Variants in UBE3D observed in about 807,000 individuals in gnomAD.
UBE3D encodes ubiquitin protein ligase E3D.
A neutral mutation model predicts 49.6 loss-of-function variants in UBE3D; 48 were observed. The observed-to-expected ratio is 0.97, with a 90% confidence interval of 0.77 to 1.23. The LOEUF (loss-of-function observed/expected upper bound fraction) is 1.23. Among genes scored for constraint, UBE3D ranks in the 50% most tolerant of loss-of-function variants. The pLI, the probability that UBE3D is intolerant of heterozygous loss-of-function variation, is 0.00. For synonymous variants in UBE3D, 189 were observed against 174.2 expected (o/e 1.08, Z -0.67); for missense variants, 452 against 468.4 (o/e 0.96, Z 0.32).
chr6:83,017,095 T>A (rs59732160), intron 8 of UBE3D: 17,859 of 152,166 alleles, frequency 0.12, 1,964 homozygotes, highest in African/African-American at 0.28. Context: ...TGCTTAGTAT[T>A]AACCATCACA....
At chr6:83,009,687 A>G (rs1320164041) in intron 8 of UBE3D, among the ~76,000 whole-genome samples, 1 of 79,228 alleles carries the variant, frequency 1.3e-5, no homozygotes, top group African/African-American at 4.8e-5. Flanking sequence ...TCACATTTAA[A>G]CACATCTGTA....
chr6:82,943,253 T>C (rs761479026), intron 9 of UBE3D, among the ~76,000 whole-genome samples: 1 of 152,208 alleles, frequency 6.6e-6, no homozygotes, highest in East Asian at 1.9e-4. Flanking sequence ...AGTAACTGAC[T>C]TGCTTTTTTT....
intron 8 of UBE3D, among the ~76,000 whole-genome samples, chr6:83,012,188 T>C (rs1014820337): frequency 2.0e-5 from 3 of 152,094 alleles, no homozygotes; most frequent in African/African-American, 7.2e-5. Flanking sequence ...ATTCCGTGAG[T>C]CCACGGATGG....
chr6:83,011,227 T>A (rs1007743407), intron 8 of UBE3D, among the ~76,000 whole-genome samples: 26 of 152,278 alleles, frequency 1.7e-4, no homozygotes, highest in African/African-American at 6.3e-4. Flanking sequence ...TTAGTACAAG[T>A]GTATACATGC....
intron 3 of UBE3D, among the ~76,000 whole-genome samples, chr6:83,046,685 C>CG (rs1783079572): frequency 1.7e-5 from 1 of 59,590 alleles, no homozygotes; most frequent in African/African-American, 6.9e-5. Context: ...GGGGGGTGGG[C>CG]GGTGGCACCG....
rs925267089 is a variant in UBE3D at position 83,057,860 on chromosome 6, G to A, written c.240C>T (p.His80=). The A allele has an allele frequency of 3.1e-6, 5 of 1,614,112 alleles. No homozygotes were observed. Among genetic ancestry groups the A allele is most frequent in the East Asian group, 2.2e-5 (1 of 44,868 alleles). ...GLQFVVGDGL[H]LRLQTQAKLG... is the part of the protein sequence containing the mutation. ...ATTTTGCTTGCGTCTGCAGTCGCAG[G>A]TGCAGTCCATCTCCAACAACAAACT... is the stretch of plus-strand genomic sequence containing the variant. The change falls in exon 2 of 10, where the codon CAC becomes CAT. Residue 80 remains histidine, a synonymous_variant. Transcript: ENST00000369747.
intron 8 of UBE3D, among the ~76,000 whole-genome samples, chr6:82,970,314 A>G (rs181577785): frequency 6.6e-6 from 1 of 151,950 alleles, no homozygotes; most frequent in East Asian, 1.9e-4. Flanking sequence ...AAACTCTAAA[A>G]AACTACCACA....
chr6:82,947,675 G>A (rs371804496), intron 9 of UBE3D, among the ~76,000 whole-genome samples: 3 of 151,840 alleles, frequency 2.0e-5, no homozygotes, highest in African/African-American at 4.8e-5. Flanking sequence ...CATCTTCTCT[G>A]ACCACAATGG....
At chr6:82,963,456 C>A (rs1776697012) in intron 8 of UBE3D, among the ~76,000 whole-genome samples, 1 of 152,068 alleles carries the variant, frequency 6.6e-6, no homozygotes, top group South Asian at 2.1e-4. Flanking sequence ...GGAGTGTTAA[C>A]TCACACAATC....
intron 8 of UBE3D, among the ~76,000 whole-genome samples, chr6:82,985,008 C>CCTTTTTTTTTTTTTTT: frequency 1.9e-5 from 1 of 52,998 alleles, no homozygotes; most frequent in Non-Finnish European, 3.3e-5. Context: ...TCTTCTTCTT[C>CCTTTTTTTTTTTTTTT]TTTTTTTTTT....
chr6:82,943,268 A>C (rs1775150429), intron 9 of UBE3D, among the ~76,000 whole-genome samples: 1 of 152,100 alleles, frequency 6.6e-6, no homozygotes, highest in Admixed American at 6.5e-5. Context: ...TTTTTTTAGA[A>C]TACCCTATCC....
chr6:83,027,239 C>T (rs1044276585), intron 5 of UBE3D, among the ~76,000 whole-genome samples: 2 of 151,638 alleles, frequency 1.3e-5, no homozygotes, highest in East Asian at 1.9e-4. Context: ...AGTTCAAGAC[C>T]AGCCTGGCCA....
At chr6:82,918,021 C>G (rs1393656305) in intron 9 of UBE3D, among the ~76,000 whole-genome samples, 1 of 152,042 alleles carries the variant, frequency 6.6e-6, no homozygotes, top group Non-Finnish European at 1.5e-5. Flanking sequence ...CTTTATTTTC[C>G]TTCAATAAAT....
chr6:82,918,935 C>T (rs1773119436), intron 9 of UBE3D, among the ~76,000 whole-genome samples: 1 of 152,082 alleles, frequency 6.6e-6, no homozygotes, highest in African/African-American at 2.4e-5. Flanking sequence ...GACTGATCTC[C>T]CATCAGCTGC....
In UBE3D at chr6:83,058,716, A is replaced by C. The variant is rs189275553; in HGVS notation, c.78-694T>G. Among the ~76,000 whole-genome samples the C allele has an allele frequency of 1.1e-3, 173 of 152,348 alleles. 3 individuals carry two copies. Among genetic ancestry groups the C allele is most frequent in the African/African-American group, 4.0e-3 (168 of 41,590 alleles). On this transcript the variant is annotated intron_variant, in intron 1 of 9. Transcript: ENST00000369747. Reference sequence around the variant, plus strand: ...GTGCAGACAGCAAGCCATTTGCTTGAGTGTCATCTGAGTACAGAGGGTAGA... The same window carrying C: ...GTGCAGACAGCAAGCCATTTGCTTGCGTGTCATCTGAGTACAGAGGGTAGA...
intron 4 of UBE3D, among the ~76,000 whole-genome samples, chr6:83,041,056 C>A (rs113716116): frequency 0.018 from 2,745 of 152,256 alleles, 106 homozygotes; most frequent in African/African-American, 0.063. Flanking sequence ...TTAAAGAGTA[C>A]TATTTTATAC....
chr6:83,029,973 T>G (rs1395659981), intron 5 of UBE3D, among the ~76,000 whole-genome samples: 1 of 152,216 alleles, frequency 6.6e-6, no homozygotes, highest in Non-Finnish European at 1.5e-5. Flanking sequence ...CCAAGTTGTA[T>G]GTGGATTGAG....
chr6:82,952,132 T>C (rs758385416), intron 9 of UBE3D, among the ~76,000 whole-genome samples: 1 of 152,178 alleles, frequency 6.6e-6, no homozygotes, highest in Non-Finnish European at 1.5e-5. Context: ...TTACTTTGTT[T>C]AACCAACCTT....
At chr6:82,968,457 C>T (rs1461451848) in intron 8 of UBE3D, among the ~76,000 whole-genome samples, 1 of 151,952 alleles carries the variant, frequency 6.6e-6, no homozygotes, top group East Asian at 1.9e-4. Flanking sequence ...AATACTATAC[C>T]TTGGTTATCT....
Sources: gnomAD v4.1 joint callset for allele counts (sites outside exome capture counted in the v4.1 genomes callset) on GRCh38, gnomAD v4.1.1 for gene constraint, MANE v1.5 for transcripts, NCBI Gene and HGNC (gene_info 2026-07-23, HGNC 2026-07-21) for gene names.